MARCHF1: variants seen among roughly 807,000 people sequenced by gnomAD.
MARCHF1 encodes membrane associated ring-CH-type finger 1, also known as E3 ubiquitin-protein ligase MARCHF1.
MARCHF1 carries 40 observed loss-of-function variants against 54.2 expected under a neutral mutation model. That is an observed-to-expected ratio of 0.74 (90% confidence interval 0.57 to 0.96). The LOEUF is 0.96. Among genes scored for constraint, MARCHF1 ranks in the 40% least tolerant of loss-of-function variants. The probability of loss-of-function intolerance (pLI) is 0.00; values close to 1 mark genes in which losing one functional copy is unlikely to be tolerated. For synonymous variants in MARCHF1, 236 were observed against 236.3 expected (o/e 1.00, Z 0.01); for missense variants, 586 against 656.5 (o/e 0.89, Z 1.17).
At chr4:163,757,153 T>A (rs1286275598) in intron 4 of MARCHF1, among the ~76,000 whole-genome samples, 1 of 152,234 alleles carries the variant, frequency 6.6e-6, no homozygotes, top group Non-Finnish European at 1.5e-5. Context: ...GGGGAGAAGA[T>A]CATTGTGTAA....
chr4:164,278,920 C>T (rs1257091836), intron 1 of MARCHF1, among the ~76,000 whole-genome samples: 1 of 152,090 alleles, frequency 6.6e-6, no homozygotes, highest in African/African-American at 2.4e-5. Flanking sequence ...CACCAATATA[C>T]TATGTACATA....
intron 4 of MARCHF1, among the ~76,000 whole-genome samples, chr4:163,703,239 T>A (rs10006968): frequency 0.045 from 6,783 of 152,154 alleles, 184 homozygotes; most frequent in African/African-American, 0.08. Flanking sequence ...TTTTTTTTTT[T>A]ACATAAACAT....
chr4:163,529,310 A>G (rs1317851673), intron 9 of MARCHF1, among the ~76,000 whole-genome samples: 4 of 152,058 alleles, frequency 2.6e-5, no homozygotes, highest in East Asian at 1.9e-4. Context: ...CCTAGCATCA[A>G]GTACCTATCA....
At chr4:164,376,665 C>A (rs1268908568) in intron 1 of MARCHF1, among the ~76,000 whole-genome samples, 1 of 152,086 alleles carries the variant, frequency 6.6e-6, no homozygotes, top group African/African-American at 2.4e-5. Flanking sequence ...CCACTGACTG[C>A]GAGGCTCCAT....
chr4:163,786,210 G>T (rs1747614180), intron 4 of MARCHF1, among the ~76,000 whole-genome samples: 1 of 151,948 alleles, frequency 6.6e-6, no homozygotes, highest in Admixed American at 6.6e-5. Context: ...ATTTGTTATA[G>T]CACCAAGAGG....
chr4:163,846,822 C>T (rs960976230), intron 4 of MARCHF1, among the ~76,000 whole-genome samples: 1 of 151,832 alleles, frequency 6.6e-6, no homozygotes, highest in South Asian at 2.1e-4. Context: ...ATAAGAAAAA[C>T]ACAATCTTAC....
At chr4:164,040,516 G>T (rs934124573) in intron 2 of MARCHF1, among the ~76,000 whole-genome samples, 1 of 149,660 alleles carries the variant, frequency 6.7e-6, no homozygotes, top group Non-Finnish European at 1.5e-5. Context: ...AAAGTATATA[G>T]AATTTAAAAA....
At chr4:164,364,081 C>A (rs2110934493) in intron 1 of MARCHF1, among the ~76,000 whole-genome samples, 1 of 151,942 alleles carries the variant, frequency 6.6e-6, no homozygotes, top group East Asian at 1.9e-4. Flanking sequence ...AATGTAGCAG[C>A]CTTATTTATC....
chr4:163,821,717 T>C (rs1171402643), intron 4 of MARCHF1, among the ~76,000 whole-genome samples: 1 of 151,408 alleles, frequency 6.6e-6, no homozygotes, highest in Non-Finnish European at 1.5e-5. Context: ...TTTTGTAGAA[T>C]AAAAGACCAT....
At chr4:164,020,396 G>T (rs1753635716) in intron 2 of MARCHF1, among the ~76,000 whole-genome samples, 1 of 152,132 alleles carries the variant, frequency 6.6e-6, no homozygotes, top group Non-Finnish European at 1.5e-5. Context: ...ATCTATGTGT[G>T]GCAGAAATAT....
chr4:163,733,191 A>ATATATATATATATATATACACGTG (rs1745901916), intron 4 of MARCHF1, among the ~76,000 whole-genome samples: 1 of 23,062 alleles, frequency 4.3e-5, no homozygotes, highest in African/African-American at 1.4e-4. Context: ...ATATATATAT[A>ATATATATATATATATATACACGTG]TATATATATA....
At chr4:163,970,566 G>A (rs4056334) in intron 3 of MARCHF1, among the ~76,000 whole-genome samples, 2 of 152,278 alleles carry the variant, frequency 1.3e-5, no homozygotes, top group Middle Eastern at 3.4e-3. Flanking sequence ...TGGAAAGGAA[G>A]ACAAATACAG....
At chr4:163,814,882 C>G (rs1477885708) in intron 4 of MARCHF1, among the ~76,000 whole-genome samples, 1 of 151,954 alleles carries the variant, frequency 6.6e-6, no homozygotes, top group Non-Finnish European at 1.5e-5. Context: ...TTTTATAATG[C>G]CATAAAATGT....
chr4:163,981,232 T>C (rs890049211), intron 3 of MARCHF1, among the ~76,000 whole-genome samples: 4 of 152,234 alleles, frequency 2.6e-5, no homozygotes, highest in African/African-American at 7.2e-5. Flanking sequence ...TGTTGCTTTG[T>C]AGCAGAAAAT....
At chr4:164,257,017 T>C (rs1179981672) in intron 1 of MARCHF1, among the ~76,000 whole-genome samples, 2 of 152,164 alleles carry the variant, frequency 1.3e-5, no homozygotes, top group African/African-American at 2.4e-5. Context: ...AATTTGATGA[T>C]ACATTTCAAG....
At chr4:163,819,013 A>T (rs141126774) in intron 4 of MARCHF1, among the ~76,000 whole-genome samples, 5 of 152,156 alleles carry the variant, frequency 3.3e-5, no homozygotes, top group Non-Finnish European at 7.4e-5. Context: ...CTGTCCAATG[A>T]CAATATTCAT....
chr4:163,638,269 G>T (rs1049485824), intron 5 of MARCHF1, among the ~76,000 whole-genome samples: 2 of 148,566 alleles, frequency 1.3e-5, no homozygotes, highest in Non-Finnish European at 3.0e-5. Context: ...AAAAAAAAAA[G>T]AAATGTAATC....
intron 4 of MARCHF1, among the ~76,000 whole-genome samples, chr4:163,830,626 C>T (rs1039878606): frequency 6.6e-6 from 1 of 152,012 alleles, no homozygotes; most frequent in African/African-American, 2.4e-5. Context: ...TAATTATATG[C>T]TCTCCAGCTG....
chr4:163,659,149 A>G (rs564113191), intron 5 of MARCHF1, among the ~76,000 whole-genome samples: 1 of 152,002 alleles, frequency 6.6e-6, no homozygotes, highest in South Asian at 2.1e-4. Context: ...TGTGTATTGC[A>G]TTCACTACAT....
Sources: allele counts gnomAD v4.1 joint callset (sites outside exome capture counted in the v4.1 genomes callset), GRCh38; gene constraint gnomAD v4.1.1; transcripts MANE v1.5; gene names NCBI Gene and HGNC (gene_info 2026-07-23, HGNC 2026-07-21).